The following TEKT5 variants were observed in gnomAD, a reference collection of about 807,000 sequenced individuals.
TEKT5 encodes tektin 5.
TEKT5 carries 52 observed loss-of-function variants against 48.7 expected under a neutral mutation model. The observed-to-expected ratio is 1.07, with a 90% CI of 0.86 to 1.35. The LOEUF is 1.35. TEKT5 is among the 40% of genes most tolerant of loss of function. The pLI, the probability that TEKT5 is intolerant of heterozygous loss-of-function variation, is 0.00. For missense variants in TEKT5, 831 were observed against 641.6 expected (o/e 1.30, Z -3.19); for synonymous variants, 318 against 267.6 (o/e 1.19, Z -1.84).
rs1899034823 is a variant in TEKT5, at chr16:10,694,349, C to G, written c.525G>C (p.Arg175=). Residue 175 remains arginine, a synonymous_variant, in exon 1 of 7, where the codon CGG becomes CGC. Transcript: ENST00000283025. ...ENQNLETVKR[R]LECAANEVNC... ...TCACCTCATTGGCCGCGCACTCCAGCCGCCTCTTGACCGTCTCCAAGTTCT... is the reference window on the plus strand; with the variant it reads ...TCACCTCATTGGCCGCGCACTCCAGGCGCCTCTTGACCGTCTCCAAGTTCT... 1 of 1,611,300 alleles carries G rather than the reference C, an allele frequency of 6.2e-7. No individual in the cohort carries two copies. Among genetic ancestry groups the G allele is most frequent in the Admixed American group, 1.7e-5 (1 of 59,768 alleles).
intron 5 of TEKT5, among the ~76,000 whole-genome samples, chr16:10,652,812 A>T (rs542640936): frequency 3.1e-4 from 36 of 117,730 alleles, no homozygotes; most frequent in Admixed American, 6.6e-4. Context: ...GGCCAGGTAG[A>T]ACGATCCCTT....
chr16:10,694,238 T>G, intron 1 of TEKT5, 72 bp downstream of exon 1: 1 of 1,465,488 alleles, frequency 6.8e-7, no homozygotes, highest in Non-Finnish European at 9.1e-7. Context: ...TCATCTTCAG[T>G]CAAGGGAAGC....
chr16:10,681,068 G>C (rs1898739689), intron 4 of TEKT5, among the ~76,000 whole-genome samples: 1 of 147,166 alleles, frequency 6.8e-6, no homozygotes. Context: ...ACCTCACAAT[G>C]CTGTGATATG....
At chr16:10,656,629 A>T (rs2719652) in intron 5 of TEKT5, among the ~76,000 whole-genome samples, 8,274 of 152,266 alleles carry the variant, frequency 0.054, 757 homozygotes, top group African/African-American at 0.19. Context: ...AAATGAATAC[A>T]AACACCTGAG....
At chr16:10,633,568 G>C (rs896929797) in intron 6 of TEKT5, among the ~76,000 whole-genome samples, 1 of 152,052 alleles carries the variant, frequency 6.6e-6, no homozygotes, top group Non-Finnish European at 1.5e-5. Flanking sequence ...AGGTCTGCTG[G>C]GTGTTGCTCT....
chr16:10,629,179 T>A (rs895280678), intron 6 of TEKT5, among the ~76,000 whole-genome samples: 6 of 152,004 alleles, frequency 3.9e-5, no homozygotes, highest in Non-Finnish European at 8.8e-5. Flanking sequence ...TAGAGAGTGG[T>A]GAGGGTTGCA....
chr16:10,651,493 G>C (rs1256997495), intron 5 of TEKT5, among the ~76,000 whole-genome samples: 1 of 152,146 alleles, frequency 6.6e-6, no homozygotes, highest in African/African-American at 2.4e-5. Flanking sequence ...TCAATGTCTG[G>C]AGCATAGTAA....
At chr16:10,651,963 A>C (rs957083403) in intron 5 of TEKT5, among the ~76,000 whole-genome samples, 21 of 151,836 alleles carry the variant, frequency 1.4e-4, no homozygotes, top group African/African-American at 4.9e-4. Flanking sequence ...CTCCATCTCA[A>C]AAAAATAAAA....
chr16:10,627,506 A>G lies in TEKT5; in HGVS notation c.*77T>C. ...GAAAAAAAGAAAGTCGGCCCTTTCAAACAAAATACTGTTTTACTTTGTTTC... is the reference window on the plus strand; with the variant it reads ...GAAAAAAAGAAAGTCGGCCCTTTCAGACAAAATACTGTTTTACTTTGTTTC... On this transcript the variant is annotated 3_prime_UTR_variant, in exon 7 of 7. Transcript: ENST00000283025. 1.3e-6 allele frequency: 2 copies of G among 1,493,102 alleles called. No individual in the cohort carries two copies. Among genetic ancestry groups the G allele is most frequent in the Non-Finnish European group, 9.2e-7 (1 of 1,082,548 alleles). 92.5% of individuals were successfully genotyped at this position (1,493,102 alleles called of 1,614,324 possible). A position where few individuals can be genotyped will look rare whatever the true frequency, so the allele number is the denominator to read the frequency against.
rs1269836354 is a variant in TEKT5 at position 10,652,637 on chromosome 16, CA to C, written c.1087-16720del. On this transcript the variant is annotated intron_variant, in intron 5 of 6. Coordinates refer to ENST00000283025, the MANE Select transcript of TEKT5 (RefSeq NM_144674.2). ...ACACACACACACACACACACACACA[CA>C]CACCCTCCAGGCCAAGTAGAGCGAT... Among the ~76,000 whole-genome samples the C allele has an allele frequency of 9.7e-3, 937 of 96,660 alleles. 72 individuals carry two copies. Among genetic ancestry groups the C allele is most frequent in the East Asian group, 0.014 (44 of 3,116 alleles). The allele number at this position is 96,660 out of a possible 152,430, so 63.4% of individuals were successfully genotyped here.
At chr16:10,666,319 A>G (rs1898455854) in intron 5 of TEKT5, among the ~76,000 whole-genome samples, 1 of 151,920 alleles carries the variant, frequency 6.6e-6, no homozygotes, top group Non-Finnish European at 1.5e-5. Flanking sequence ...TACCTCCTCA[A>G]ACCCTCCCCT....
At chr16:10,650,524 G>A (rs181160565) in intron 5 of TEKT5, among the ~76,000 whole-genome samples, 312 of 152,152 alleles carry the variant, frequency 2.1e-3, no homozygotes, top group African/African-American at 7.2e-3. Flanking sequence ...CAAAAAACAT[G>A]CCCCTTAACA....
chr16:10,693,877 C>T (rs556647026), intron 1 of TEKT5, among the ~76,000 whole-genome samples: 40 of 152,176 alleles, frequency 2.6e-4, no homozygotes, highest in African/African-American at 3.6e-4. Flanking sequence ...GGCTGAGGCA[C>T]GAGAGTCGCT....
At chr16:10,644,188 T>G (rs528129763) in intron 5 of TEKT5, among the ~76,000 whole-genome samples, 1 of 152,236 alleles carries the variant, frequency 6.6e-6, no homozygotes, top group African/African-American at 2.4e-5. Context: ...TTTTTCAGTT[T>G]ACAAAGTCCT....
intron 5 of TEKT5, among the ~76,000 whole-genome samples, chr16:10,666,340 G>A (rs1292771455): frequency 6.6e-6 from 1 of 152,090 alleles, no homozygotes; most frequent in Non-Finnish European, 1.5e-5. Flanking sequence ...CCTGTTCCTC[G>A]GTGGTGCCTG....
intron 3 of TEKT5, among the ~76,000 whole-genome samples, chr16:10,683,610 G>C (rs1898798772): frequency 6.6e-6 from 1 of 152,018 alleles, no homozygotes; most frequent in African/African-American, 2.4e-5. Flanking sequence ...ATTTTTTTGA[G>C]ATGGAGTTTT....
intron 5 of TEKT5, among the ~76,000 whole-genome samples, chr16:10,641,007 T>C (rs2142264285): frequency 1.3e-5 from 2 of 152,296 alleles, no homozygotes; most frequent in Middle Eastern, 6.8e-3. Context: ...GTGGAATAGC[T>C]GGATCATAGA....
intron 5 of TEKT5, among the ~76,000 whole-genome samples, 186 bp from the exon 6 acceptor site, chr16:10,636,104 G>A (rs2055939196): frequency 6.6e-6 from 1 of 152,186 alleles, no homozygotes; most frequent in African/African-American, 2.4e-5. Flanking sequence ...GCTGGGCGCG[G>A]TGGCTCATGC....
At chr16:10,639,891 C>T (rs1394998719) in intron 5 of TEKT5, among the ~76,000 whole-genome samples, 2 of 152,206 alleles carry the variant, frequency 1.3e-5, no homozygotes, top group Non-Finnish European at 2.9e-5. Flanking sequence ...CTAGTGCCTG[C>T]TCCCAGATCT....
Sources: allele counts gnomAD v4.1 joint callset (sites outside exome capture counted in the v4.1 genomes callset), GRCh38; gene constraint gnomAD v4.1.1; transcripts MANE v1.5; gene names NCBI Gene and HGNC (gene_info 2026-07-23, HGNC 2026-07-21).